Variants in MYO3B observed in about 807,000 individuals in gnomAD.
MYO3B encodes myosin-IIIb.
MYO3B carries 156 observed loss-of-function variants against 174.6 expected under a neutral mutation model. That is an observed-to-expected ratio of 0.89 (90% CI 0.78 to 1.02). The LOEUF is 1.02. MYO3B is among the 50% of genes least tolerant of loss of function. The pLI, the probability that MYO3B is intolerant of heterozygous loss-of-function variation, is 0.00. For missense variants in MYO3B, 1,632 were observed against 1,639.4 expected, an observed-to-expected ratio of 1.00 and a Z score of 0.08; for synonymous variants, 563 against 569.1, an observed-to-expected ratio of 0.99 and a Z score of 0.15.
chr2:170,502,233 C>G (rs1224729856), intron 28 of MYO3B, among the ~76,000 whole-genome samples: 1 of 152,204 alleles, frequency 6.6e-6, no homozygotes, highest in Non-Finnish European at 1.5e-5. Context: ...GCATCGCATA[C>G]TGCCACCTGA....
chr2:170,604,588 C>T (rs55784120), intron 32 of MYO3B, among the ~76,000 whole-genome samples: 5,159 of 152,236 alleles, frequency 0.034, 315 homozygotes, highest in African/African-American at 0.12. Flanking sequence ...GTCAGCACTT[C>T]TGAGTTAGAG....
At chr2:170,288,878 T>C (rs2093576136) in intron 7 of MYO3B, among the ~76,000 whole-genome samples, 1 of 152,086 alleles carries the variant, frequency 6.6e-6, no homozygotes, top group Non-Finnish European at 1.5e-5. Flanking sequence ...TGTTGAGGTA[T>C]GTTCCTTCCA....
chr2:170,418,185 G>C (rs2094593001), intron 22 of MYO3B, among the ~76,000 whole-genome samples: 1 of 152,186 alleles, frequency 6.6e-6, no homozygotes, highest in Non-Finnish European at 1.5e-5. Flanking sequence ...TGGGCCAAAA[G>C]AGCTAGGGAG....
At chr2:170,635,784 G>A (rs1052222862) in intron 32 of MYO3B, among the ~76,000 whole-genome samples, 2 of 152,120 alleles carry the variant, frequency 1.3e-5, no homozygotes, top group Non-Finnish European at 2.9e-5. Context: ...TAGATAAGGG[G>A]AAGGAGGAGG....
chr2:170,396,777 A>C (rs1166046033), intron 16 of MYO3B, among the ~76,000 whole-genome samples: 2 of 152,186 alleles, frequency 1.3e-5, no homozygotes, highest in African/African-American at 4.8e-5. Context: ...GAAATGCTGG[A>C]AGTCTTATTT....
In MYO3B at chr2:170,391,507, C is replaced by CTT; in HGVS notation, c.1578-5_1578-4dup. On this transcript the variant is annotated splice_polypyrimidine_tract_variant and intron_variant, in intron 14 of 34. Transcript: ENST00000408978. The stretch of plus-strand genomic sequence containing the variant: ...CCAGAATATATTATTACTAAAGTCT[C>CTT]TTTTTTTTTCAGGAGAGAGAAAAAT... 7 of 1,257,150 alleles carry CTT rather than the reference C, an allele frequency of 5.6e-6. No individual in the cohort carries two copies. The highest frequency in any genetic ancestry group is 2.6e-4 in the Middle Eastern group (1 of 3,780). The allele number at this position is 1,257,150 out of a possible 1,614,324, so 77.9% of individuals were successfully genotyped here. A position where few individuals can be genotyped will look rare whatever the true frequency, so the allele number is the denominator to read the frequency against.
intron 25 of MYO3B, among the ~76,000 whole-genome samples, chr2:170,470,276 C>T (rs892373420): frequency 2.0e-5 from 3 of 152,118 alleles, no homozygotes; most frequent in African/African-American, 7.2e-5. Context: ...TCCCACCAAA[C>T]TTAGGCAACC....
intron 5 of MYO3B, among the ~76,000 whole-genome samples, chr2:170,215,888 G>GGA (rs1254482946): frequency 3.3e-5 from 5 of 152,174 alleles, no homozygotes; most frequent in African/African-American, 9.6e-5. Flanking sequence ...GGTGGGAATT[G>GGA]ATACTGATGT....
intron 32 of MYO3B, among the ~76,000 whole-genome samples, chr2:170,557,202 C>T (rs1439212064): frequency 1.3e-5 from 2 of 149,582 alleles, no homozygotes; most frequent in South Asian, 2.1e-4. Context: ...TGCAGTGGCA[C>T]GATCTCGGCT....
intron 30 of MYO3B, among the ~76,000 whole-genome samples, chr2:170,526,600 G>A (rs1392418100): frequency 6.6e-6 from 1 of 152,190 alleles, no homozygotes; most frequent in Non-Finnish European, 1.5e-5. Flanking sequence ...AACATTGCCA[G>A]CATGACATTA....
chr2:170,312,093 CCTGA>C (rs769088619), intron 7 of MYO3B, among the ~76,000 whole-genome samples: 7 of 152,272 alleles, frequency 4.6e-5, no homozygotes, highest in South Asian at 2.1e-4. Context: ...TTTATTTGCT[CCTGA>C]CTATGTCTTA....
intron 30 of MYO3B, among the ~76,000 whole-genome samples, chr2:170,537,647 A>G (rs1174305161): frequency 1.3e-5 from 2 of 151,580 alleles, no homozygotes; most frequent in Admixed American, 6.6e-5. Context: ...GGGTTTCCCC[A>G]TGTTCCCCAG....
intron 22 of MYO3B, among the ~76,000 whole-genome samples, chr2:170,417,158 A>T (rs1489335531): frequency 6.6e-6 from 1 of 152,100 alleles, no homozygotes; most frequent in African/African-American, 2.4e-5. Context: ...TTTAAGCTCA[A>T]ATGTCACCTC....
At chr2:170,446,211 G>T (rs1227472316) in intron 23 of MYO3B, among the ~76,000 whole-genome samples, 2 of 152,224 alleles carry the variant, frequency 1.3e-5, no homozygotes, top group Non-Finnish European at 2.9e-5. Flanking sequence ...CAAATCCTCA[G>T]ATAATGAAGA....
intron 16 of MYO3B, 45 bp downstream of exon 16, chr2:170,392,540 A>G: frequency 3.2e-6 from 4 of 1,236,590 alleles, no homozygotes; most frequent in Non-Finnish European, 4.5e-6. Context: ...ATATTCTTAT[A>G]TGAATGTGAG....
chr2:170,547,367 T>C (rs566238210), intron 32 of MYO3B, among the ~76,000 whole-genome samples: 4 of 150,026 alleles, frequency 2.7e-5, no homozygotes, highest in Non-Finnish European at 4.4e-5. Context: ...AACTGGCCCA[T>C]GTGGTCCGGC....
At chr2:170,451,339 C>T (rs774371292) in intron 23 of MYO3B, among the ~76,000 whole-genome samples, 43 of 152,374 alleles carry the variant, frequency 2.8e-4, no homozygotes, top group Non-Finnish European at 4.4e-4. Context: ...TACAGGTAGG[C>T]GGCATGGCTT....
intron 8 of MYO3B, 105 bp from the exon 9 acceptor site, chr2:170,369,117 C>A: frequency 2.1e-6 from 2 of 948,796 alleles, no homozygotes; most frequent in Non-Finnish European, 3.1e-6. Flanking sequence ...AACCAATGAT[C>A]AGGTTTTATA....
At chr2:170,610,891 A>G (rs1695091919) in intron 32 of MYO3B, among the ~76,000 whole-genome samples, 3 of 152,222 alleles carry the variant, frequency 2.0e-5, no homozygotes, top group Admixed American at 2.0e-4. Context: ...GCTAGTTTAT[A>G]TAATTCTCAA....
Sources: allele counts gnomAD v4.1 joint callset (sites outside exome capture counted in the v4.1 genomes callset), GRCh38; gene constraint gnomAD v4.1.1; transcripts MANE v1.5; gene names NCBI Gene and HGNC (gene_info 2026-07-23, HGNC 2026-07-21).